The following FHIT variants were observed in gnomAD, a reference collection of about 807,000 sequenced individuals.
FHIT encodes fragile histidine triad diadenosine triphosphatase.
Under a neutral mutation model 17.9 loss-of-function variants are expected in FHIT, and 19 were observed. The observed-to-expected ratio is 1.06, with a 90% CI of 0.74 to 1.56. FHIT has a LOEUF of 1.56. Ranked by LOEUF, FHIT falls within the 40% of genes most tolerant of loss-of-function variation. FHIT has a pLI of 0.00. For missense variants in FHIT, 248 were observed against 189.2 expected (o/e 1.31, Z -1.82); for synonymous variants, 81 against 69.7 (o/e 1.16, Z -0.81).
chr3:59,920,635 T>C (rs545786334), intron 8 of FHIT, among the ~76,000 whole-genome samples: 4 of 152,374 alleles, frequency 2.6e-5, no homozygotes, highest in Non-Finnish European at 5.9e-5. Context: ...CAAGCACTTT[T>C]ATGCTACTTT....
At chr3:60,609,938 G>A (rs1288483932) in intron 4 of FHIT, among the ~76,000 whole-genome samples, 1 of 152,200 alleles carries the variant, frequency 6.6e-6, no homozygotes, top group African/African-American at 2.4e-5. Context: ...TGAATACATT[G>A]TTCTACACTG....
At position 59,959,119 on chromosome 3, in the gene FHIT, G is replaced by T. The variant is rs115017070; in HGVS notation, c.280-36705C>A. ...ACCAGGAGTGCAGGCCTCCTTGCAC[G>T]TATAATGACAACAGCCAGACAACAA... On this transcript the variant is annotated intron_variant, in intron 7 of 9. Coordinates refer to ENST00000492590, the MANE Select transcript of FHIT (RefSeq NM_002012.4). 1.2e-4 allele frequency among the ~76,000 whole-genome samples: 18 copies of T among 152,244 alleles called. No individual in the cohort carries two copies. The South Asian group carries it at 1.5e-3, about 12-fold the overall frequency.
At chr3:60,551,722 C>A (rs2036565951) in intron 4 of FHIT, among the ~76,000 whole-genome samples, 1 of 149,074 alleles carries the variant, frequency 6.7e-6, no homozygotes, top group South Asian at 2.2e-4. Context: ...CATGCCCCTG[C>A]ACTCTAGCCT....
At chr3:61,014,306 C>T (rs1257777954) in intron 3 of FHIT, among the ~76,000 whole-genome samples, 4 of 152,088 alleles carry the variant, frequency 2.6e-5, no homozygotes, top group African/African-American at 9.7e-5. Context: ...TCCTTTGTCT[C>T]TGGCAAGCAT....
intron 8 of FHIT, among the ~76,000 whole-genome samples, chr3:59,828,566 G>T (rs1481628576): frequency 6.6e-6 from 1 of 152,160 alleles, no homozygotes; most frequent in East Asian, 1.9e-4. Context: ...AAAGTTCCCA[G>T]AAAGACGCTA....
At chr3:60,173,555 C>A (rs1227039769) in intron 5 of FHIT, among the ~76,000 whole-genome samples, 1 of 151,992 alleles carries the variant, frequency 6.6e-6, no homozygotes, top group Non-Finnish European at 1.5e-5. Flanking sequence ...TCCTTAAATC[C>A]AGGACACAGG....
intron 4 of FHIT, among the ~76,000 whole-genome samples, chr3:60,623,557 C>G (rs1484609166): frequency 2.6e-5 from 4 of 152,120 alleles, no homozygotes; most frequent in African/African-American, 9.7e-5. Context: ...GTTTGTATCA[C>G]TCAACTCGCA....
chr3:60,574,896 T>C lies in FHIT; in HGVS notation c.-17-37917A>G, dbSNP rs185330030. On this transcript the variant is annotated intron_variant, in intron 4 of 9. Transcript: ENST00000492590. ...GCCCCCCACCCCCCATGTTTTATCATAGCCCTTTGCACACTGTGTTCCCCT... is the reference window on the plus strand; with the variant it reads ...GCCCCCCACCCCCCATGTTTTATCACAGCCCTTTGCACACTGTGTTCCCCT... Among the ~76,000 whole-genome samples, 151 of 150,530 alleles carry C rather than the reference T, an allele frequency of 1.0e-3. 3 individuals are homozygous for C. The highest frequency in any genetic ancestry group is 6.5e-3 in the Admixed American group (98 of 15,112).
chr3:60,621,649 G>A (rs1396767980), intron 4 of FHIT, among the ~76,000 whole-genome samples: 1 of 152,008 alleles, frequency 6.6e-6, no homozygotes, highest in African/African-American at 2.4e-5. Context: ...ACACACTTTT[G>A]GCTTTCCAGA....
rs145764996 is a variant in FHIT, at chr3:60,953,562, G to A, written c.-111+88485C>T. Among the ~76,000 whole-genome samples, 10 of 152,256 alleles carry A rather than the reference G, an allele frequency of 6.6e-5. No individual in the cohort carries two copies. The East Asian group carries it at 1.9e-3, about 29-fold the overall frequency. On this transcript the variant is annotated intron_variant, in intron 3 of 9. Coordinates refer to ENST00000492590, the MANE Select transcript of FHIT (RefSeq NM_002012.4). ...AAGCCCTGACTAATCGGAAATGACT[G>A]GACTTGGCAGCTCCTTTTATCACGT...
At chr3:60,274,100 C>A (rs1489464092) in intron 5 of FHIT, among the ~76,000 whole-genome samples, 2 of 152,116 alleles carry the variant, frequency 1.3e-5, no homozygotes, top group African/African-American at 4.8e-5. Context: ...AATCACTCTG[C>A]CTCATTATCA....
At chr3:60,625,366 C>T (rs2039256941) in intron 4 of FHIT, among the ~76,000 whole-genome samples, 1 of 152,154 alleles carries the variant, frequency 6.6e-6, no homozygotes. Context: ...AAATGATAGA[C>T]TGTTTTCCAA....
At chr3:60,419,936 TAAAC>T (rs1702407625) in intron 5 of FHIT, among the ~76,000 whole-genome samples, 1 of 152,154 alleles carries the variant, frequency 6.6e-6, no homozygotes, top group African/African-American at 2.4e-5. Context: ...AAAAATGAAA[TAAAC>T]AAAGATAAAA....
At chr3:61,147,398 C>G (rs1488584459) in intron 2 of FHIT, among the ~76,000 whole-genome samples, 1 of 151,984 alleles carries the variant, frequency 6.6e-6, no homozygotes, top group African/African-American at 2.4e-5. Flanking sequence ...TACTTGTTTC[C>G]TTTGACGGTA....
chr3:60,037,870 T>C (rs1701284564), intron 5 of FHIT, among the ~76,000 whole-genome samples: 1 of 151,956 alleles, frequency 6.6e-6, no homozygotes, highest in South Asian at 2.1e-4. Flanking sequence ...CATACTGCCA[T>C]GCCCGGCTAA....
In FHIT at chr3:60,259,960, C is replaced by T. The variant is rs142712752; in HGVS notation, c.104-245808G>A. ...GAGGCTGGGACCTAGCAATGGATAC[C>T]CCTGTACCACTGGGCCCCTTCCAGA... On this transcript the variant is annotated intron_variant, in intron 5 of 9. Coordinates refer to ENST00000492590, the MANE Select transcript of FHIT (RefSeq NM_002012.4). Among the ~76,000 whole-genome samples the T allele has an allele frequency of 1.7e-3, 256 of 151,988 alleles. 2 individuals are homozygous for T. Among genetic ancestry groups the T allele is most frequent in the Middle Eastern group, 0.014 (4 of 294 alleles).
intron 3 of FHIT, among the ~76,000 whole-genome samples, chr3:60,918,614 C>A (rs1053477564): frequency 1.3e-5 from 2 of 152,106 alleles, no homozygotes; most frequent in African/African-American, 2.4e-5. Flanking sequence ...TGGAGAAGAT[C>A]TGGGAAAGGA....
intron 4 of FHIT, among the ~76,000 whole-genome samples, chr3:60,639,891 CT>C (rs1357218245): frequency 2.0e-5 from 3 of 152,156 alleles, no homozygotes; most frequent in Non-Finnish European, 2.9e-5. Context: ...TAAACAACCC[CT>C]ATGTGAACCA....
intron 4 of FHIT, among the ~76,000 whole-genome samples, chr3:60,660,383 G>C (rs9874458): frequency 0.044 from 6,761 of 152,164 alleles, 513 homozygotes; most frequent in African/African-American, 0.15. Flanking sequence ...CCTGGAATCT[G>C]TGCAAGGATG....
Sources: allele counts gnomAD v4.1 joint callset (sites outside exome capture counted in the v4.1 genomes callset), GRCh38; gene constraint gnomAD v4.1.1; transcripts MANE v1.5; gene names NCBI Gene and HGNC (gene_info 2026-07-23, HGNC 2026-07-21).